TAS2R1: variants seen among roughly 807,000 people sequenced by gnomAD.
TAS2R1 encodes the protein taste receptor type 2 member 1.
For synonymous variants in TAS2R1, 141 were observed against 134.2 expected (o/e 1.05, Z -0.35); for missense variants, 370 against 353.4 (o/e 1.05, Z -0.38).
At chr5:9,857,182 G>C in the TAS2R1 span, among the ~76,000 whole-genome samples, 1 of 152,110 alleles carries the variant, frequency 6.6e-6, no homozygotes, top group African/African-American at 2.4e-5. Context: ...AGTTGGTTAA[G>C]GGGTACAAAA....
At chr5:9,845,800 A>G in the TAS2R1 span, among the ~76,000 whole-genome samples, 1 of 152,376 alleles carries the variant, frequency 6.6e-6, no homozygotes, top group South Asian at 2.1e-4. Flanking sequence ...AATTCTTTTT[A>G]ATTTGGTTTA....
At chr5:9,723,256 G>A in the TAS2R1 span, among the ~76,000 whole-genome samples, 2 of 152,162 alleles carry the variant, frequency 1.3e-5, no homozygotes, top group African/African-American at 4.8e-5. Flanking sequence ...CTGTCAAAAT[G>A]CAGCCAAGGT....
At chr5:9,769,547 C>T in the TAS2R1 span, among the ~76,000 whole-genome samples, 29,576 of 152,182 alleles carry the variant, frequency 0.19, 3,360 homozygotes, top group Middle Eastern at 0.33. Context: ...ATGAGGGTTC[C>T]TTTTCTCCAC....
chr5:9,656,750 C>T (rs541099811), intron 2 of TAS2R1, among the ~76,000 whole-genome samples: 1 of 152,274 alleles, frequency 6.6e-6, no homozygotes, highest in African/African-American at 2.4e-5. Flanking sequence ...ATAAAATCAA[C>T]CACTGCAGAA....
At chr5:9,677,009 T>C (rs1343472938) in intron 1 of TAS2R1, among the ~76,000 whole-genome samples, 1 of 152,136 alleles carries the variant, frequency 6.6e-6, no homozygotes, top group Non-Finnish European at 1.5e-5. Context: ...TCAACCTAAA[T>C]GCCTATCAGT....
At chr5:9,868,066 C>A in the TAS2R1 span, among the ~76,000 whole-genome samples, 1 of 152,194 alleles carries the variant, frequency 6.6e-6, no homozygotes, top group East Asian at 1.9e-4. Flanking sequence ...GGTATAGACC[C>A]CCTACTGGCT....
the TAS2R1 span, among the ~76,000 whole-genome samples, chr5:9,746,603 C>A: frequency 1.3e-5 from 2 of 152,284 alleles, no homozygotes; most frequent in South Asian, 2.1e-4. Context: ...AGAATGAGTT[C>A]ATGTCCTTTG....
chr5:9,886,969 G>A, the TAS2R1 span, among the ~76,000 whole-genome samples: 2 of 152,202 alleles, frequency 1.3e-5, no homozygotes, highest in East Asian at 1.9e-4. Context: ...CTTGACCACC[G>A]CCACTGGAAT....
At chr5:9,653,782 C>T (rs1433857853) in intron 2 of TAS2R1, among the ~76,000 whole-genome samples, 2 of 151,850 alleles carry the variant, frequency 1.3e-5, no homozygotes, top group Non-Finnish European at 2.9e-5. Context: ...ATGAATATAT[C>T]TGAAAATTCG....
the TAS2R1 span, among the ~76,000 whole-genome samples, chr5:9,809,365 C>T: frequency 4.6e-4 from 70 of 152,238 alleles, no homozygotes; most frequent in Non-Finnish European, 6.8e-4. Context: ...AAAGGCTGAA[C>T]TTCCAATGTG....
the TAS2R1 span, among the ~76,000 whole-genome samples, chr5:9,802,711 G>T: frequency 9.9e-5 from 15 of 152,222 alleles, no homozygotes; most frequent in East Asian, 2.9e-3. Flanking sequence ...GACCATCCTG[G>T]TCAACATGGT....
At chr5:9,845,277 G>A in the TAS2R1 span, among the ~76,000 whole-genome samples, 7 of 152,158 alleles carry the variant, frequency 4.6e-5, no homozygotes, top group South Asian at 2.1e-4. Flanking sequence ...TCAGCAAGCT[G>A]GAAGCAGATC....
At chr5:9,819,729 C>T in the TAS2R1 span, among the ~76,000 whole-genome samples, 2 of 152,110 alleles carry the variant, frequency 1.3e-5, no homozygotes, top group East Asian at 3.9e-4. Flanking sequence ...TATCAAAACA[C>T]AAAACCTCCA....
rs548026597 is a variant in TAS2R1 at position 9,647,657 on chromosome 5, T to A, written c.-81+11764A>T. On this transcript the variant is annotated intron_variant, in intron 2 of 2. Coordinates refer to the TAS2R1 transcript ENST00000506620. ...TTAGAAAGGGAAATATAAGGGAAAC[T>A]TTTAGTTATAATTTTCTGTAGACAT... is the stretch of plus-strand genomic sequence containing the variant. Among the ~76,000 whole-genome samples the A allele has an allele frequency of 3.9e-5, 6 of 152,286 alleles. No homozygotes were observed. In the South Asian group the frequency reaches 1.2e-3, roughly 32 times the overall value.
intron 1 of TAS2R1, among the ~76,000 whole-genome samples, chr5:9,690,974 A>T (rs1741238113): frequency 6.6e-6 from 1 of 152,170 alleles, no homozygotes; most frequent in African/African-American, 2.4e-5. Flanking sequence ...GCCTCACTCG[A>T]CAAAGTGTGC....
Position 9,688,969 on chromosome 5 carries a change from T to G in TAS2R1, c.-242+23203A>C, listed in dbSNP as rs16883367. Among the ~76,000 whole-genome samples the G allele has an allele frequency of 7.1e-4, 108 of 152,122 alleles. No homozygotes were observed. The East Asian group carries it at 0.015, about 21-fold the overall frequency. On this transcript the variant is annotated intron_variant, in intron 1 of 2. Coordinates refer to the TAS2R1 transcript ENST00000506620. ...GTCAGAGCCAGGCCCTGGGAAGAAG[T>G]GCTAGGCAGAGACGGCCCCGACCAT...
chr5:9,702,322 G>A lies in TAS2R1; in HGVS notation c.-242+9850C>T, dbSNP rs1741505250. Among the ~76,000 whole-genome samples the A allele has an allele frequency of 3.3e-5, 5 of 152,280 alleles. No individual in the cohort carries two copies. The South Asian group carries it at 1.0e-3, about 32-fold the overall frequency. ...GGAAAATTTTGCAACCCGCCCTCAG[G>A]ACATTTGTGATGTCTGCAGACATTT... On this transcript the variant is annotated intron_variant, in intron 1 of 2. Transcript: ENST00000506620.
chr5:9,702,355 C>A (rs771884491), intron 1 of TAS2R1, among the ~76,000 whole-genome samples: 27 of 152,150 alleles, frequency 1.8e-4, no homozygotes, highest in Non-Finnish European at 3.1e-4. Context: ...TTTTCATTAT[C>A]ACACTGGTTG....
chr5:9,736,425 A>T, the TAS2R1 span, among the ~76,000 whole-genome samples: 1 of 152,224 alleles, frequency 6.6e-6, no homozygotes, highest in Non-Finnish European at 1.5e-5. Flanking sequence ...AGAAGTGTCC[A>T]GGATTAATGC....
Sources: allele counts gnomAD v4.1 joint callset (sites outside exome capture counted in the v4.1 genomes callset), GRCh38; gene constraint gnomAD v4.1.1; transcripts MANE v1.5; gene names NCBI Gene and HGNC (gene_info 2026-07-23, HGNC 2026-07-21).